The following ROBO1 variants were observed in gnomAD, a reference collection of about 807,000 sequenced individuals.
The protein encoded by ROBO1 is roundabout guidance receptor 1, also known as roundabout homolog 1.
In ROBO1, 149 loss-of-function variants were observed where a neutral mutation model predicts 195.9. That is an observed-to-expected ratio of 0.76 (90% CI 0.67 to 0.87). ROBO1 has a LOEUF of 0.87. ROBO1 is among the 40% of genes least tolerant of loss of function. ROBO1 has a pLI of 0.00. For missense variants in ROBO1, 1,933 were observed against 2,068.3 expected (o/e 0.93, Z 1.27); for synonymous variants, 816 against 733.2 (o/e 1.11, Z -1.82).
chr3:78,754,841 T>C (rs2082887729), intron 4 of ROBO1, among the ~76,000 whole-genome samples: 1 of 152,104 alleles, frequency 6.6e-6, no homozygotes, highest in African/African-American at 2.4e-5. Flanking sequence ...AGTAAGGAAG[T>C]AACAGTTAAG....
In ROBO1 at chr3:79,371,865, C is replaced by A. The variant is rs541193447; in HGVS notation, c.88+217959G>T. Among the ~76,000 whole-genome samples, 19 of 152,268 alleles carry A rather than the reference C, an allele frequency of 1.2e-4. No homozygotes were observed. In the East Asian group the frequency reaches 3.7e-3, roughly 29 times the overall value. ...AATGTTCTAGTGCAGTGGTCCCTAA[C>A]CTTTTAGGCACCAGGGACCAGTTTC... On this transcript the variant is annotated intron_variant, in intron 2 of 30. Coordinates refer to ENST00000464233, the MANE Select transcript of ROBO1 (RefSeq NM_002941.4).
chr3:78,675,360 G>A (rs1272032911), intron 10 of ROBO1, among the ~76,000 whole-genome samples: 8 of 152,114 alleles, frequency 5.3e-5, no homozygotes, highest in South Asian at 4.1e-4. Flanking sequence ...GAAGCAGGGC[G>A]AGGCATTGCC....
chr3:78,704,100 C>T (rs375997265), intron 8 of ROBO1, among the ~76,000 whole-genome samples: 2 of 152,040 alleles, frequency 1.3e-5, no homozygotes, highest in South Asian at 2.1e-4. Flanking sequence ...TATACTAAAC[C>T]TAAGCTGACT....
At position 79,589,873 on chromosome 3, in the gene ROBO1, T is replaced by C; in HGVS notation, c.39A>G (p.Ser13=). 1 of 1,610,860 alleles carries C rather than the reference T, an allele frequency of 6.2e-7. No individual in the cohort carries two copies. The highest frequency in any genetic ancestry group is 8.5e-7 in the Non-Finnish European group (1 of 1,177,852). The change falls in exon 2 of 31, where the codon TCA becomes TCG. Residue 13 remains serine (S), a synonymous_variant. Coordinates refer to ENST00000464233, the MANE Select transcript of ROBO1 (RefSeq NM_002941.4). ...WKHVPFLVMI[S]LLSLSPNHLF... is the part of the protein sequence containing the mutation. Reference sequence around the variant, plus strand: ...GGTGATTTGGGGATAAGCTGAGGAGTGATATCATGACCAAAAAAGGAACAT... The same window carrying C: ...GGTGATTTGGGGATAAGCTGAGGAGCGATATCATGACCAAAAAAGGAACAT...
chr3:79,616,211 C>T (rs924369191), intron 1 of ROBO1, among the ~76,000 whole-genome samples: 2 of 152,162 alleles, frequency 1.3e-5, no homozygotes, highest in Non-Finnish European at 2.9e-5. Context: ...AGGCAGTAGA[C>T]ATCATCCTGG....
At position 79,232,093 on chromosome 3, in the gene ROBO1, C is replaced by T. The variant is rs192407925; in HGVS notation, c.89-106554G>A. ...GGGGCAAGAGGATCAGGGAAAATAA[C>T]TAACGGATACTAGGCTTAATACTTG... On this transcript the variant is annotated intron_variant, in intron 2 of 30. Coordinates refer to ENST00000464233, the MANE Select transcript of ROBO1 (RefSeq NM_002941.4). 2.5e-3 allele frequency among the ~76,000 whole-genome samples: 385 copies of T among 151,986 alleles called. 1 individual carries two copies. The highest frequency in any genetic ancestry group is 9.0e-3 in the African/African-American group (372 of 41,476).
At position 78,730,273 on chromosome 3, in the gene ROBO1, A is replaced by AGAGTCAAAGGAGAAAAAGAAGAGCT. The variant is rs1356039632; in HGVS notation, c.658-12391_658-12390insAGCTCTTCTTTTTCTCCTTTGACTC. Among the ~76,000 whole-genome samples, 32 of 125,938 alleles carry AGAGTCAAAGGAGAAAAAGAAGAGCT rather than the reference A, an allele frequency of 2.5e-4. 5 individuals carry two copies. Among genetic ancestry groups the AGAGTCAAAGGAGAAAAAGAAGAGCT allele is most frequent in the Non-Finnish European group, 4.0e-4 (21 of 52,330 alleles). The allele number at this position is 125,938 out of a possible 152,430, so 82.6% of individuals were successfully genotyped here. On this transcript the variant is annotated intron_variant, in intron 5 of 30. Transcript: ENST00000464233. ...GTGTGAGAAATTCCCTCACTACCAAATGCTTGCTAAGATAAAGCCTTTTCC... is the reference window on the plus strand; with the variant it reads ...GTGTGAGAAATTCCCTCACTACCAAAGAGTCAAAGGAGAAAAAGAAGAGCTTGCTTGCTAAGATAAAGCCTTTTCC...
At chr3:79,319,387 C>T (rs1000790470) in intron 2 of ROBO1, among the ~76,000 whole-genome samples, 3 of 152,018 alleles carry the variant, frequency 2.0e-5, no homozygotes, top group East Asian at 1.9e-4. Flanking sequence ...AAAAGTTGAG[C>T]TAAAAATAGC....
chr3:79,161,668 T>G (rs2080968875), intron 2 of ROBO1, among the ~76,000 whole-genome samples: 1 of 152,164 alleles, frequency 6.6e-6, no homozygotes, highest in African/African-American at 2.4e-5. Context: ...TTAAAATAAC[T>G]TAAAATGCTA....
At chr3:78,799,326 A>G (rs917953640) in intron 4 of ROBO1, among the ~76,000 whole-genome samples, 2 of 151,198 alleles carry the variant, frequency 1.3e-5, no homozygotes, top group African/African-American at 2.4e-5. Flanking sequence ...CACCTACTCT[A>G]CCATTTTTGT....
rs138748332 is a variant in ROBO1, at chr3:78,927,977, C to T, written c.499+10624G>A. Among the ~76,000 whole-genome samples the T allele has an allele frequency of 3.2e-3, 481 of 152,272 alleles. 6 individuals carry two copies. The highest frequency in any genetic ancestry group is 0.011 in the African/African-American group (449 of 41,552). On this transcript the variant is annotated intron_variant, in intron 4 of 30. Coordinates refer to ENST00000464233, the MANE Select transcript of ROBO1 (RefSeq NM_002941.4). The stretch of plus-strand genomic sequence containing the variant: ...CAGATGTTACAACAGCTACAACTCA[C>T]ACATACTGCCTGCTGTCAGCCAGGC...
At chr3:79,640,454 A>G (rs1031509343) in intron 1 of ROBO1, among the ~76,000 whole-genome samples, 2 of 151,920 alleles carry the variant, frequency 1.3e-5, no homozygotes, top group Non-Finnish European at 2.9e-5. Flanking sequence ...AGTGTCGGGT[A>G]TGTCTTCATC....
At chr3:79,361,481 C>T (rs1470991609) in intron 2 of ROBO1, among the ~76,000 whole-genome samples, 1 of 151,942 alleles carries the variant, frequency 6.6e-6, no homozygotes, top group African/African-American at 2.4e-5. Context: ...ATATTTTAAG[C>T]TCACGATTTA....
intron 3 of ROBO1, among the ~76,000 whole-genome samples, chr3:78,955,062 G>A (rs2040974044): frequency 6.6e-6 from 1 of 150,686 alleles, no homozygotes; most frequent in African/African-American, 2.4e-5. Context: ...GGGTTATATA[G>A]GTAAACTGTG....
At chr3:78,843,127 A>C (rs2033388111) in intron 4 of ROBO1, among the ~76,000 whole-genome samples, 1 of 152,128 alleles carries the variant, frequency 6.6e-6, no homozygotes, top group South Asian at 2.1e-4. Flanking sequence ...TATCTGGAAG[A>C]ATTTTTTTAA....
chr3:78,768,667 A>G (rs1043787150), intron 4 of ROBO1, among the ~76,000 whole-genome samples: 1 of 150,668 alleles, frequency 6.6e-6, no homozygotes, highest in Non-Finnish European at 1.5e-5. Context: ...TTTTATTATT[A>G]TACTTTAAGT....
At chr3:79,672,953 C>T (rs776949924) in intron 1 of ROBO1, among the ~76,000 whole-genome samples, 5 of 151,894 alleles carry the variant, frequency 3.3e-5, no homozygotes, top group African/African-American at 1.2e-4. Flanking sequence ...AATAACTGAT[C>T]TTTTGTAAGA....
At chr3:79,718,719 G>C (rs564510552) in intron 1 of ROBO1, among the ~76,000 whole-genome samples, 1 of 152,092 alleles carries the variant, frequency 6.6e-6, no homozygotes, top group East Asian at 1.9e-4. Flanking sequence ...GTTAAAAAAG[G>C]TTAGAAGTAA....
intron 3 of ROBO1, among the ~76,000 whole-genome samples, chr3:79,016,246 C>T (rs1384400679): frequency 6.6e-6 from 1 of 152,080 alleles, no homozygotes; most frequent in Non-Finnish European, 1.5e-5. Context: ...GTTTGGCCTC[C>T]CAAGTTCAGA....
Sources: gnomAD v4.1 joint callset for allele counts (sites outside exome capture counted in the v4.1 genomes callset) on GRCh38, gnomAD v4.1.1 for gene constraint, MANE v1.5 for transcripts, NCBI Gene and HGNC (gene_info 2026-07-23, HGNC 2026-07-21) for gene names.